The following GDF5 variants were observed in gnomAD, a reference collection of about 807,000 sequenced individuals.
The protein encoded by GDF5 is growth differentiation factor 5.
Under a neutral mutation model 34.6 loss-of-function variants are expected in GDF5, and 17 were observed. The ratio of observed to expected loss-of-function variants is 0.49; its 90% CI spans 0.34 to 0.74. The LOEUF is 0.74. Ranked by LOEUF, GDF5 falls within the 30% of genes least tolerant of loss-of-function variation. The pLI is 0.01. For missense variants in GDF5, 616 were observed against 661.2 expected (o/e 0.93, Z 0.75); for synonymous variants, 332 against 290.7 (o/e 1.14, Z -1.44).
intron 1 of GDF5, among the ~76,000 whole-genome samples, chr20:35,451,180 C>T (rs191763923): frequency 1.3e-5 from 2 of 150,600 alleles, no homozygotes; most frequent in East Asian, 1.9e-4. Flanking sequence ...TTAGTCCAGA[C>T]GGCCTCTTGG....
chr20:35,439,286 G>A (rs897593906), upstream of GDF5, among the ~76,000 whole-genome samples: 11 of 147,712 alleles, frequency 7.4e-5, no homozygotes, highest in Non-Finnish European at 1.0e-4. Flanking sequence ...CGAGTGCAGT[G>A]GCATGATCTC....
In GDF5 at chr20:35,434,180, A is replaced by C; in HGVS notation, c.1235T>G (p.Met412Arg). The C allele has an allele frequency of 6.2e-7, 1 of 1,614,192 alleles. No individual in the cohort carries two copies. The highest frequency in any genetic ancestry group is 8.5e-7 in the Non-Finnish European group (1 of 1,180,034). The change falls in exon 2 of 2, where the codon ATG becomes AGG. Residue 412 changes from methionine to arginine, a missense_variant. By Grantham distance (91) the Met-to-Arg change is moderately conservative. Coordinates refer to ENST00000374369, the MANE Select transcript of GDF5 (RefSeq NM_000557.5). ...TGCGATGATCCAGTCGTCCCAGCCC[A>C]TGTCCTTGAAGTTGACATGCAGTGC... The part of the protein sequence containing the change: ...RKALHVNFKD[M>R]GWDDWIIAPL...
intron 1 of GDF5, among the ~76,000 whole-genome samples, chr20:35,437,023 C>T (rs981739599): frequency 1.2e-4 from 18 of 152,260 alleles, no homozygotes; most frequent in African/African-American, 4.3e-4. Context: ...AACTCTGCCA[C>T]GAACTGGCAG....
Position 35,437,711 on chromosome 20 carries a change from T to A in GDF5, c.218A>T (p.Asn73Ile). ...HSYGGGATNA[N>I]ARAKGGTGQT... ...CCCGGTGCCTCCCTTTGCCCTGGCATTGGCATTGGTGGCCCCCCCACCATA... is the reference window on the plus strand; with the variant it reads ...CCCGGTGCCTCCCTTTGCCCTGGCAATGGCATTGGTGGCCCCCCCACCATA... The change falls in exon 1 of 2, where the codon AAT becomes ATT. Residue 73 changes from asparagine to isoleucine, a missense_variant. Coordinates refer to ENST00000374369, the MANE Select transcript of GDF5 (RefSeq NM_000557.5). The A allele has an allele frequency of 6.2e-7, 1 of 1,613,934 alleles. No homozygotes were observed. Among genetic ancestry groups the A allele is most frequent in the Non-Finnish European group, 8.5e-7 (1 of 1,179,930 alleles).
chr20:35,446,462 G>A (rs1465138986), intron 1 of GDF5, among the ~76,000 whole-genome samples: 1 of 144,184 alleles, frequency 6.9e-6, no homozygotes, highest in Admixed American at 7.0e-5. Context: ...TTTTGAGACA[G>A]GGTCTCACTC....
Position 35,434,618 on chromosome 20 carries a change from G to A in GDF5, c.797C>T (p.Ser266Phe). 6.2e-7 allele frequency: 1 copy of A among 1,602,184 alleles called. No homozygotes were observed. Among genetic ancestry groups the A allele is most frequent in the Non-Finnish European group, 8.5e-7 (1 of 1,171,946 alleles). Residue 266 changes from serine (S) to phenylalanine (F), a missense_variant, in exon 2 of 2, where the codon TCC (serine) becomes TTC (phenylalanine). Transcript: ENST00000374369. Reference sequence around the variant, plus strand: ...CGGCTGCCGGCCGCTGGGGCAGCTGGACAGCTTCAGCTGGGCAGCCCGCCC... The same window carrying A: ...CGGCTGCCGGCCGCTGGGGCAGCTGAACAGCTTCAGCTGGGCAGCCCGCCC... ...GGGRAAQLKL[S>F]SCPSGRQPAA...
chr20:35,439,277 G>A (rs139224150), upstream of GDF5, among the ~76,000 whole-genome samples: 1,954 of 143,358 alleles, frequency 0.014, 49 homozygotes, highest in African/African-American at 0.048. Flanking sequence ...TCGCTCTGTC[G>A]AGTGCAGTGG....
At chr20:35,442,339 G>T (rs2062500602), upstream of GDF5, among the ~76,000 whole-genome samples, 1 of 151,884 alleles carries the variant, frequency 6.6e-6, no homozygotes, top group African/African-American at 2.4e-5. Context: ...TAGAGATGGG[G>T]TTTCACCATG....
chr20:35,451,068 T>TATATATATATATATATATATATAA (rs2062530944), intron 1 of GDF5, among the ~76,000 whole-genome samples: 2 of 31,594 alleles, frequency 6.3e-5, no homozygotes, highest in South Asian at 1.2e-3. Context: ...AAAAAAAATA[T>TATATATATATATATATATATATAA]ATATATATAT....
intron 1 of GDF5, among the ~76,000 whole-genome samples, chr20:35,449,510 C>T (rs765943114): frequency 2.0e-5 from 3 of 152,180 alleles, no homozygotes; most frequent in Non-Finnish European, 2.9e-5. Context: ...GCTGCTCCCT[C>T]TTTATAGAAT....
intron 1 of GDF5, 65 bp from the exon 2 acceptor site, chr20:35,434,848 G>T: frequency 6.6e-7 from 1 of 1,510,618 alleles, no homozygotes. Flanking sequence ...CTTCGAGGCT[G>T]CGGGGGAAGG....
chr20:35,452,310 C>T (rs1410421494), intron 1 of GDF5, among the ~76,000 whole-genome samples: 1 of 152,224 alleles, frequency 6.6e-6, no homozygotes, highest in Non-Finnish European at 1.5e-5. Context: ...AATCAATGCT[C>T]AATAAATGTC....
chr20:35,438,598 G>A (rs1263118861), upstream of GDF5, among the ~76,000 whole-genome samples: 1 of 152,156 alleles, frequency 6.6e-6, no homozygotes, highest in Admixed American at 6.5e-5. Flanking sequence ...CCCTGCAGCG[G>A]GACTCTAGGC....
chr20:35,437,248 T>C (rs763551567), intron 1 of GDF5, 50 bp downstream of exon 1: 2 of 1,299,156 alleles, frequency 1.5e-6, no homozygotes, highest in Non-Finnish European at 2.2e-6. Flanking sequence ...CCTCCATTCA[T>C]GCAGATGCCC....
chr20:35,451,064 A>AATAT (rs1555824832), intron 1 of GDF5, among the ~76,000 whole-genome samples: 35 of 69,060 alleles, frequency 5.1e-4, no homozygotes, highest in African/African-American at 2.3e-3. Context: ...AAAAAAAAAA[A>AATAT]ATATATATAT....
chr20:35,434,818 C>T, intron 1 of GDF5, 35 bp from the exon 2 acceptor site: 1 of 1,608,786 alleles, frequency 6.2e-7, no homozygotes, highest in Non-Finnish European at 8.5e-7. Context: ...TCCCTGCAAC[C>T]TCACCAAGGG....
rs1568731608 is a variant in GDF5, at chr20:35,434,304, C to T, written c.1111G>A (p.Glu371Lys). 3.1e-6 allele frequency: 5 copies of T among 1,614,170 alleles called. No individual in the cohort carries two copies. The highest frequency in any genetic ancestry group is 1.1e-5 in the South Asian group (1 of 91,086). Reference sequence around the variant, plus strand: ...TTTCGCCGCTGGCTGAACAGGTACTCATACACGGTCTTATCGTCCTGGCCA... The same window carrying T: ...TTTCGCCGCTGGCTGAACAGGTACTTATACACGGTCTTATCGTCCTGGCCA... Reference protein sequence around the residue: ...RSGQDDKTVYEYLFSQRRKRR... With the variant: ...RSGQDDKTVYKYLFSQRRKRR... The change falls in exon 2 of 2, where the codon GAG becomes AAG. Residue 371 changes from glutamate to lysine, a missense_variant. Coordinates refer to ENST00000374369, the MANE Select transcript of GDF5 (RefSeq NM_000557.5).
chr20:35,437,723 GC>G lies in GDF5; in HGVS notation c.205del (p.Ala69ProfsTer18). 6.2e-7 allele frequency: 1 copy of G among 1,613,334 alleles called. No homozygotes were observed. The highest frequency in any genetic ancestry group is 8.5e-7 in the Non-Finnish European group (1 of 1,179,700). On this transcript the variant is annotated frameshift_variant, in exon 1 of 2. Transcript: ENST00000374369. LOFTEE classifies it high-confidence loss of function. ...CTTTGCCCTGGCATTGGCATTGGTG[GC>G]CCCCCCACCATAGCTGTGACCCCCT... ...RPGGHSYGGGATNANARAKGG... is the reference protein window; with the variant it reads ...RPGGHSYGGGXTNANARAKGG...
In GDF5 at chr20:35,434,197, A is replaced by G; in HGVS notation, c.1218T>C (p.His406=). The G allele has an allele frequency of 6.2e-7, 1 of 1,614,212 alleles. No homozygotes were observed. The highest frequency in any genetic ancestry group is 8.5e-7 in the Non-Finnish European group (1 of 1,180,038). ...CCCAGCCCATGTCCTTGAAGTTGACATGCAGTGCCTTCCGACTGCAGCGAG... is the reference window on the plus strand; with the variant it reads ...CCCAGCCCATGTCCTTGAAGTTGACGTGCAGTGCCTTCCGACTGCAGCGAG... The part of the protein sequence containing the change: ...LKARCSRKAL[H]VNFKDMGWDD... The change falls in exon 2 of 2, where the codon CAT becomes CAC. Residue 406 remains histidine (H), a synonymous_variant. Coordinates refer to ENST00000374369, the MANE Select transcript of GDF5 (RefSeq NM_000557.5).
Sources: allele counts gnomAD v4.1 joint callset (sites outside exome capture counted in the v4.1 genomes callset), GRCh38; gene constraint gnomAD v4.1.1; transcripts MANE v1.5; gene names NCBI Gene and HGNC (gene_info 2026-07-23, HGNC 2026-07-21).